The following ABCA4 variants were observed in gnomAD, a reference collection of about 807,000 sequenced individuals.
ABCA4 encodes ATP binding cassette subfamily A member 4.
ABCA4 carries 196 observed loss-of-function variants against 263.7 expected under a neutral mutation model. That is an observed-to-expected ratio of 0.74 (90% confidence interval 0.66 to 0.84). The LOEUF is 0.84. Among genes scored for constraint, ABCA4 ranks in the 40% least tolerant of loss-of-function variants. ABCA4 has a pLI of 0.00. For missense variants in ABCA4, 2,792 were observed against 2,855.1 expected (o/e 0.98, Z 0.50); for synonymous variants, 1,133 against 1,094.2 (o/e 1.04, Z -0.70).
chr1:94,044,722 G>C lies in ABCA4; in HGVS notation c.2941C>G (p.Pro981Ala). Residue 981 changes from proline to alanine, a missense_variant, in exon 20 of 50, where the codon CCA (proline) becomes GCA (alanine). Pro to Ala is a conservative substitution (Grantham distance 27, BLOSUM62 -1). Transcript: ENST00000370225. Reference protein sequence around the residue: ...TTLSILTGLLPPTSGTVLVGG... With the variant: ...TTLSILTGLLAPTSGTVLVGG... ...ACGAGCACAGTCCCAGAGGTTGGTG[G>C]CAACAGACCCGTCAGGATGGACCTG... 1.2e-6 allele frequency: 2 copies of C among 1,614,166 alleles called. No homozygotes were observed. The highest frequency in any genetic ancestry group is 1.7e-6 in the Non-Finnish European group (2 of 1,180,018).
chr1:94,015,920 AG>A, intron 36 of ABCA4, 66 bp from the exon 37 acceptor site: 1 of 1,390,660 alleles, frequency 7.2e-7, no homozygotes, highest in Non-Finnish European at 1.0e-6. Flanking sequence ...CTGCAAAATG[AG>A]GGGTGGGGCC....
intron 48 of ABCA4, 50 bp from the exon 49 acceptor site, chr1:93,996,245 C>T (rs1344567152): frequency 5.9e-6 from 8 of 1,361,440 alleles, no homozygotes; most frequent in Non-Finnish European, 8.4e-6. Context: ...AGGAAAACAG[C>T]ACCCTACACC....
In ABCA4 at chr1:94,001,026, C is replaced by T; in HGVS notation, c.6362G>A (p.Arg2121Lys). 6.2e-7 allele frequency: 1 copy of T among 1,614,220 alleles called. No individual in the cohort carries two copies. Among genetic ancestry groups the T allele is most frequent in the East Asian group, 2.2e-5 (1 of 44,878 alleles). The change falls in exon 46 of 50, where the codon AGG (arginine) becomes AAG (lysine). Residue 2121 changes from arginine (R) to lysine (K), a missense_variant. Physicochemically the swap from Arg to Lys is conservative, Grantham distance 26. Transcript: ENST00000370225. ...NVIVSIIREG[R>K]AVVLTSHSME... ...CCTGTGGGATGTGAGGACCACAGCC[C>T]TCCCTTCTCTGATGATGCTCACGAT...
chr1:93,999,076 T>TG (rs555162391), intron 47 of ABCA4, among the ~76,000 whole-genome samples: 42 of 150,938 alleles, frequency 2.8e-4, no homozygotes, highest in Non-Finnish European at 5.3e-4. Flanking sequence ...GACAGAGTCT[T>TG]GCTGTTTCAC....
At chr1:94,106,768 G>C (rs1035077530) in intron 4 of ABCA4, among the ~76,000 whole-genome samples, 2 of 152,174 alleles carry the variant, frequency 1.3e-5, no homozygotes, top group African/African-American at 4.8e-5. Flanking sequence ...GGGAGAGAGG[G>C]CTTCAGAAGG....
intron 11 of ABCA4, among the ~76,000 whole-genome samples, chr1:94,067,224 C>CA (rs1190592530): frequency 5.0e-5 from 4 of 80,772 alleles, no homozygotes; most frequent in African/African-American, 1.7e-4. Flanking sequence ...CCTCTTAAAA[C>CA]AAAAAAGCTA....
At chr1:94,104,387 C>T (rs976365469) in intron 4 of ABCA4, among the ~76,000 whole-genome samples, 8 of 152,200 alleles carry the variant, frequency 5.3e-5, no homozygotes, top group Non-Finnish European at 1.0e-4. Flanking sequence ...CCCATTCTTT[C>T]CTGGTCCCAA....
chr1:94,090,496 C>T (rs527299172), intron 6 of ABCA4, among the ~76,000 whole-genome samples: 2 of 152,214 alleles, frequency 1.3e-5, no homozygotes, highest in South Asian at 4.1e-4. Flanking sequence ...CATTCTCACT[C>T]TACCCCTACT....
intron 6 of ABCA4, among the ~76,000 whole-genome samples, chr1:94,088,982 A>G (rs907249475): frequency 2.6e-5 from 4 of 152,158 alleles, no homozygotes; most frequent in Non-Finnish European, 1.5e-5. Flanking sequence ...TCCTCACTTG[A>G]GTGTGGGTGG....
Position 94,031,998 on chromosome 1 carries a change from C to G in ABCA4, c.3908G>C (p.Cys1303Ser), listed in dbSNP as rs946827466. Reference protein sequence around the residue: ...KRENVNPRHPCLGPREKAGQT... With the variant: ...KRENVNPRHPSLGPREKAGQT... ...TCCAGCCTTCTCTCTGGGACCCAAG[C>G]AGGGGTGTCGGGGGTTGACGTTTTC... The change falls in exon 27 of 50, where the codon TGC becomes TCC. Residue 1303 changes from cysteine (C) to serine (S), a missense_variant. Transcript: ENST00000370225. 1.9e-6 allele frequency: 3 copies of G among 1,613,700 alleles called. No individual in the cohort carries two copies. Among genetic ancestry groups the G allele is most frequent in the African/African-American group, 1.3e-5 (1 of 74,898 alleles).
chr1:94,112,470 C>T (rs1264552244), intron 2 of ABCA4, among the ~76,000 whole-genome samples: 1 of 152,210 alleles, frequency 6.6e-6, no homozygotes, highest in African/African-American at 2.4e-5. Context: ...AGTAACTACA[C>T]ACAAGTATTT....
chr1:94,105,428 G>A (rs1226268803), intron 4 of ABCA4, among the ~76,000 whole-genome samples: 2 of 152,164 alleles, frequency 1.3e-5, no homozygotes, highest in Admixed American at 6.5e-5. Flanking sequence ...GGGGGGGAAG[G>A]GGGAGTGTGC....
chr1:94,077,200 C>T (rs1053276419), intron 11 of ABCA4, among the ~76,000 whole-genome samples: 1 of 152,146 alleles, frequency 6.6e-6, no homozygotes, highest in Non-Finnish European at 1.5e-5. Flanking sequence ...CTTGAGAATT[C>T]GGGCAAATGC....
chr1:94,041,120 C>G, intron 23 of ABCA4, 89 bp downstream of exon 23: 1 of 1,353,702 alleles, frequency 7.4e-7, no homozygotes, highest in East Asian at 2.3e-5. Context: ...TGGCGAGAGC[C>G]TGTGTGAGTA....
At chr1:94,093,218 C>G (rs538880) in intron 6 of ABCA4, among the ~76,000 whole-genome samples, 110,416 of 152,042 alleles carry the variant, frequency 0.73, 40,468 homozygotes, top group East Asian at 0.82. Flanking sequence ...AGACCGCTTA[C>G]TAAAGAATGC....
chr1:94,046,371 A>G (rs1410818316), intron 19 of ABCA4, among the ~76,000 whole-genome samples: 1 of 141,264 alleles, frequency 7.1e-6, no homozygotes, highest in Non-Finnish European at 1.5e-5. Context: ...CTGAGGTGGG[A>G]GAATCGCTTG....
intron 11 of ABCA4, among the ~76,000 whole-genome samples, chr1:94,074,637 T>G (rs1209487135): frequency 6.6e-6 from 1 of 152,192 alleles, no homozygotes. Flanking sequence ...ATCTATCATC[T>G]CATGCCAGTC....
At chr1:94,005,904 C>A (rs1356634530) in intron 43 of ABCA4, among the ~76,000 whole-genome samples, 1 of 152,158 alleles carries the variant, frequency 6.6e-6, no homozygotes, top group Non-Finnish European at 1.5e-5. Context: ...GAAAATGATT[C>A]ATGATTTATC....
At chr1:94,081,774 C>T (rs1433448585) in intron 7 of ABCA4, among the ~76,000 whole-genome samples, 1 of 152,202 alleles carries the variant, frequency 6.6e-6, no homozygotes, top group Non-Finnish European at 1.5e-5. Flanking sequence ...GCTTGCTGGC[C>T]TCATCCTTTG....
Sources: allele counts gnomAD v4.1 joint callset (sites outside exome capture counted in the v4.1 genomes callset), GRCh38; gene constraint gnomAD v4.1.1; transcripts MANE v1.5; gene names NCBI Gene and HGNC (gene_info 2026-07-23, HGNC 2026-07-21).